The following MGAT4A variants were observed in gnomAD, a reference collection of about 807,000 sequenced individuals.
MGAT4A encodes the protein alpha-1,3-mannosyl-glycoprotein 4-beta-N-acetylglucosaminyltransferase A, also known as N-acetylglucosaminyltransferase IVa.
In MGAT4A, 33 loss-of-function variants were observed where a neutral mutation model predicts 74.1. The ratio of observed to expected loss-of-function variants is 0.45; its 90% CI spans 0.34 to 0.60. The LOEUF is 0.60. MGAT4A is among the 20% of genes least tolerant of loss of function. The pLI is 0.02. For synonymous variants in MGAT4A, 198 were observed against 210.4 expected (o/e 0.94, Z 0.51); for missense variants, 479 against 628.3 (o/e 0.76, Z 2.54).
intron 14 of MGAT4A, among the ~76,000 whole-genome samples, chr2:98,630,296 G>A (rs1316446535): frequency 6.6e-6 from 1 of 152,192 alleles, no homozygotes; most frequent in African/African-American, 2.4e-5. Flanking sequence ...TCACGTGGAT[G>A]AATCTCACAA....
chr2:98,718,554 G>A (rs1702620689), intron 2 of MGAT4A, among the ~76,000 whole-genome samples: 1 of 152,148 alleles, frequency 6.6e-6, no homozygotes, highest in Non-Finnish European at 1.5e-5. Flanking sequence ...CAACCAGTGA[G>A]GTAGAGACCT....
At chr2:98,662,070 T>C (rs941503868) in intron 5 of MGAT4A, among the ~76,000 whole-genome samples, 1 of 152,212 alleles carries the variant, frequency 6.6e-6, no homozygotes, top group African/African-American at 2.4e-5. Context: ...TGCAATGTGG[T>C]GTTCCATAGT....
At chr2:98,730,301 C>T (rs1702828820) in intron 1 of MGAT4A, 1 of 152,260 alleles carries the variant, frequency 6.6e-6, no homozygotes, top group African/African-American at 2.4e-5. Context: ...GCTCGACTGC[C>T]AGCTCAGAAA....
rs1317631731 is a variant in MGAT4A, at chr2:98,620,750, TAATC to T, written c.*4812_*4815del. The stretch of plus-strand genomic sequence containing the variant: ...CTTAATGTATCTAAAATACCACTGT[TAATC>T]ATTCTTGAATTTACTTCTGACAGGC... On this transcript the variant is annotated 3_prime_UTR_variant, in exon 16 of 16. Transcript: ENST00000393487. The T allele has an allele frequency of 6.6e-6, 1 of 152,244 alleles. No homozygotes were observed. The highest frequency in any genetic ancestry group is 1.5e-5 in the Non-Finnish European group (1 of 68,050). 9.4% of individuals were successfully genotyped at this position (152,244 alleles called of 1,614,324 possible).
In MGAT4A at chr2:98,659,449, A is replaced by G. The variant is rs184860602; in HGVS notation, c.538-1185T>C. The stretch of plus-strand genomic sequence containing the variant: ...GGCCAGGGACATGGCAGGCTGGGTT[A>G]CAGGGCCATAGCCACATTTTTGAGC... On this transcript the variant is annotated intron_variant, in intron 5 of 15. Coordinates refer to ENST00000393487, the MANE Select transcript of MGAT4A (RefSeq NM_012214.3). Among the ~76,000 whole-genome samples the G allele has an allele frequency of 6.2e-3, 939 of 152,286 alleles. 20 individuals are homozygous for G. Among genetic ancestry groups the G allele is most frequent in the Non-Finnish European group, 4.0e-3 (275 of 67,998 alleles).
chr2:98,731,038 A>G lies in MGAT4A; in HGVS notation c.-236+10T>C, dbSNP rs1702848748. On this transcript the variant is annotated intron_variant, in intron 1 of 15. Transcript: ENST00000393487. This position sits in a 1 kb window ranked among gnomAD's most constrained non-coding sequence, Gnocchi z 4.8. ...CCCGCGCGCCGCCGCTGCCGCCGCGAGCCCCTCACCCGCCGCTGGCGTCGC... is the reference window on the plus strand; with the variant it reads ...CCCGCGCGCCGCCGCTGCCGCCGCGGGCCCCTCACCCGCCGCTGGCGTCGC... 1.0e-5 allele frequency: 1 copy of G among 97,270 alleles called. No homozygotes were observed. The highest frequency in any genetic ancestry group is 2.1e-5 in the Non-Finnish European group (1 of 48,010). 6.0% of individuals were successfully genotyped at this position (97,270 alleles called of 1,614,324 possible).
intron 2 of MGAT4A, among the ~76,000 whole-genome samples, chr2:98,685,242 A>C (rs1702113065): frequency 6.6e-6 from 1 of 151,086 alleles, no homozygotes; most frequent in Admixed American, 6.6e-5. Flanking sequence ...GTCTCTTAAA[A>C]AAAAAAAAAA....
intron 2 of MGAT4A, among the ~76,000 whole-genome samples, chr2:98,685,691 C>T (rs752449071): frequency 3.3e-5 from 5 of 152,136 alleles, no homozygotes; most frequent in Non-Finnish European, 7.4e-5. Context: ...AACTTACAAA[C>T]GAGACCAAGT....
At chr2:98,726,684 A>C (rs1016771648) in intron 1 of MGAT4A, 117 bp from the exon 2 acceptor site, 4 of 251,958 alleles carry the variant, frequency 1.6e-5, no homozygotes, top group Admixed American at 5.4e-5. Context: ...ATCTATAAAG[A>C]TTATCCCTAC....
chr2:98,726,873 CT>C (rs1170691608), intron 1 of MGAT4A: 1 of 152,384 alleles, frequency 6.6e-6, no homozygotes, highest in African/African-American at 2.4e-5. Flanking sequence ...GATGAGAACT[CT>C]AATGATCACA....
At chr2:98,655,925 T>C (rs573520259) in intron 7 of MGAT4A, 7 of 181,008 alleles carry the variant, frequency 3.9e-5, no homozygotes, top group African/African-American at 1.4e-4. Context: ...TTTTCAGTAA[T>C]ATCTTAATGT....
rs534283169 is a variant in MGAT4A, at chr2:98,698,031, C to A, written c.95-19560G>T. The stretch of plus-strand genomic sequence containing the variant: ...AAATGTTTTACAACTGAAAAGATGG[C>A]CATTCTCTTTTCAAAATTGTTAGCT... On this transcript the variant is annotated intron_variant, in intron 2 of 15. Coordinates refer to ENST00000393487, the MANE Select transcript of MGAT4A (RefSeq NM_012214.3). Among the ~76,000 whole-genome samples the A allele has an allele frequency of 1.3e-4, 20 of 152,246 alleles. No individual in the cohort carries two copies. In the South Asian group the frequency reaches 3.3e-3, roughly 25 times the overall value.
Position 98,678,502 on chromosome 2 carries a change from AT to A in MGAT4A, c.95-32del, listed in dbSNP as rs1238389907. Reference sequence around the variant, plus strand: ...AGCAAAACCAAAACAGTTATAGTATATGTCTTAAAACAAATAAACAATATAA... The same window carrying A: ...AGCAAAACCAAAACAGTTATAGTATAGTCTTAAAACAAATAAACAATATAA... On this transcript the variant is annotated intron_variant, in intron 2 of 15. Transcript: ENST00000393487. The A allele has an allele frequency of 2.8e-6, 4 of 1,436,826 alleles. No homozygotes were observed. The African/African-American group carries it at 5.6e-5, about 20-fold the overall frequency. The allele number at this position is 1,436,826 out of a possible 1,614,324, so 89.0% of individuals were successfully genotyped here. A position where few individuals can be genotyped will look rare whatever the true frequency, so the allele number is the denominator to read the frequency against.
intron 14 of MGAT4A, among the ~76,000 whole-genome samples, chr2:98,631,172 C>CTATTT (rs1490924680): frequency 6.6e-6 from 1 of 152,246 alleles, no homozygotes; most frequent in Non-Finnish European, 1.5e-5. Flanking sequence ...TCACGCTCTA[C>CTATTT]TCTTCTAACC....
intron 2 of MGAT4A, among the ~76,000 whole-genome samples, chr2:98,681,407 T>C (rs1702057925): frequency 6.6e-6 from 1 of 152,220 alleles, no homozygotes; most frequent in Admixed American, 6.5e-5. Context: ...GAACTTGCTC[T>C]GAGATCAGAA....
chr2:98,681,926 A>G (rs946927678), intron 2 of MGAT4A, among the ~76,000 whole-genome samples: 1 of 152,240 alleles, frequency 6.6e-6, no homozygotes, highest in African/African-American at 2.4e-5. Context: ...AAGGCAGTGG[A>G]GAGGCCCCCA....
intron 12 of MGAT4A, among the ~76,000 whole-genome samples, chr2:98,637,491 G>A (rs779939097): frequency 1.2e-4 from 19 of 152,114 alleles, no homozygotes; most frequent in Non-Finnish European, 2.5e-4. Flanking sequence ...GATATATGGT[G>A]ACAGATCTAA....
At chr2:98,725,618 T>TA (rs5832857) in intron 2 of MGAT4A, among the ~76,000 whole-genome samples, 45,576 of 142,226 alleles carry the variant, frequency 0.32, 8,672 homozygotes, top group African/African-American at 0.54. Flanking sequence ...TAGTTTCTCT[T>TA]AAAAAAAAAA....
At chr2:98,730,634 C>G (rs1271657222) in intron 1 of MGAT4A, among the ~76,000 whole-genome samples, 1 of 151,754 alleles carries the variant, frequency 6.6e-6, no homozygotes, top group Non-Finnish European at 1.5e-5. Flanking sequence ...CCGCACCCCC[C>G]GGATCAGCAC....
Sources: gnomAD v4.1 joint callset for allele counts (sites outside exome capture counted in the v4.1 genomes callset) on GRCh38, gnomAD v4.1.1 for gene constraint, Gnocchi (gnomAD v3.1) non-coding constraint, MANE v1.5 for transcripts, NCBI Gene and HGNC (gene_info 2026-07-23, HGNC 2026-07-21) for gene names.